Variants in UNC5D observed in about 807,000 individuals in gnomAD.
The protein encoded by UNC5D is unc-5 netrin receptor D.
UNC5D carries 39 observed loss-of-function variants against 105.4 expected under a neutral mutation model. The observed-to-expected ratio is 0.37, with a 90% CI of 0.29 to 0.48. The LOEUF (loss-of-function observed/expected upper bound fraction) is 0.48. Ranked by LOEUF, UNC5D falls within the 20% of genes least tolerant of loss-of-function variation. UNC5D has a pLI of 0.98. For synonymous variants in UNC5D, 452 were observed against 450.4 expected (o/e 1.00, Z -0.04); for missense variants, 991 against 1,202.4 (o/e 0.82, Z 2.60).
At chr8:35,730,622 TAAAC>T (rs1829139999) in intron 10 of UNC5D, among the ~76,000 whole-genome samples, 1 of 152,270 alleles carries the variant, frequency 6.6e-6, no homozygotes, top group Non-Finnish European at 1.5e-5. Context: ...TTTCAGGAAA[TAAAC>T]AGATAGTGAT....
At chr8:35,340,436 C>A (rs181883812) in intron 1 of UNC5D, among the ~76,000 whole-genome samples, 1 of 152,090 alleles carries the variant, frequency 6.6e-6, no homozygotes, top group Admixed American at 6.5e-5. Flanking sequence ...GAACTAACTG[C>A]CTTACTTGGA....
At chr8:35,593,642 G>T (rs529784715) in intron 3 of UNC5D, among the ~76,000 whole-genome samples, 1 of 152,074 alleles carries the variant, frequency 6.6e-6, no homozygotes, top group Non-Finnish European at 1.5e-5. Context: ...CACACCTGTA[G>T]CCCTAGCTAC....
At chr8:35,249,416 G>A (rs190263551) in intron 1 of UNC5D, among the ~76,000 whole-genome samples, 1 of 150,412 alleles carries the variant, frequency 6.6e-6, no homozygotes, top group Non-Finnish European at 1.5e-5. Flanking sequence ...AAATTAACCA[G>A]GTGTGGTGGC....
chr8:35,744,046 C>A (rs1288525536), intron 11 of UNC5D, among the ~76,000 whole-genome samples: 1 of 151,462 alleles, frequency 6.6e-6, no homozygotes, highest in African/African-American at 2.4e-5. Flanking sequence ...GGTCTGCTTT[C>A]ATCTGGAACC....
At chr8:35,311,659 T>A (rs574190895) in intron 1 of UNC5D, among the ~76,000 whole-genome samples, 1 of 152,250 alleles carries the variant, frequency 6.6e-6, no homozygotes, top group African/African-American at 2.4e-5. Flanking sequence ...GGTTTGATGA[T>A]GTTAAAATGA....
chr8:35,601,516 T>A (rs1014128573), intron 4 of UNC5D, among the ~76,000 whole-genome samples: 1 of 152,202 alleles, frequency 6.6e-6, no homozygotes, highest in East Asian at 1.9e-4. Flanking sequence ...GTCCTTCACA[T>A]CCCTTGTAAG....
At chr8:35,387,880 T>A (rs1803506837) in intron 1 of UNC5D, among the ~76,000 whole-genome samples, 1 of 152,220 alleles carries the variant, frequency 6.6e-6, no homozygotes, top group Admixed American at 6.5e-5. Flanking sequence ...TATTTAGTAT[T>A]ATAGTGGTGT....
intron 1 of UNC5D, among the ~76,000 whole-genome samples, chr8:35,424,678 C>T (rs1409912241): frequency 6.6e-6 from 1 of 152,202 alleles, no homozygotes; most frequent in Non-Finnish European, 1.5e-5. Flanking sequence ...GGAGGTGACG[C>T]AGATTCAGCT....
intron 4 of UNC5D, among the ~76,000 whole-genome samples, chr8:35,624,881 C>T (rs1341381452): frequency 6.6e-6 from 1 of 152,196 alleles, no homozygotes; most frequent in Non-Finnish European, 1.5e-5. Flanking sequence ...ATATATGTGA[C>T]TACATAAACC....
intron 1 of UNC5D, among the ~76,000 whole-genome samples, chr8:35,497,298 C>G (rs948225880): frequency 1.3e-5 from 2 of 152,120 alleles, no homozygotes; most frequent in Non-Finnish European, 2.9e-5. Context: ...GAATGAGGGT[C>G]TTATGACCCT....
chr8:35,451,492 A>G (rs1263583884), intron 1 of UNC5D, among the ~76,000 whole-genome samples: 1 of 152,170 alleles, frequency 6.6e-6, no homozygotes, highest in Non-Finnish European at 1.5e-5. Context: ...TTGTTATCCC[A>G]GTTTTATAAA....
intron 1 of UNC5D, among the ~76,000 whole-genome samples, chr8:35,444,391 A>G (rs1039904245): frequency 6.6e-6 from 1 of 152,058 alleles, no homozygotes; most frequent in Non-Finnish European, 1.5e-5. Flanking sequence ...AGCCTATTGC[A>G]GACTTCTTTT....
intron 7 of UNC5D, among the ~76,000 whole-genome samples, chr8:35,700,512 C>T (rs997974592): frequency 2.0e-5 from 3 of 151,916 alleles, no homozygotes; most frequent in African/African-American, 4.8e-5. Context: ...GACAAACTGT[C>T]GAGAGAGAGA....
At chr8:35,404,952 A>G (rs1024957607) in intron 1 of UNC5D, among the ~76,000 whole-genome samples, 3 of 152,186 alleles carry the variant, frequency 2.0e-5, no homozygotes, top group African/African-American at 7.2e-5. Context: ...GAATGGCTAA[A>G]GTGACTTTTT....
intron 4 of UNC5D, among the ~76,000 whole-genome samples, chr8:35,619,193 T>C (rs1821205381): frequency 6.6e-6 from 1 of 152,156 alleles, no homozygotes; most frequent in Non-Finnish European, 1.5e-5. Context: ...AGCATTAATA[T>C]AGAAGGGATT....
intron 1 of UNC5D, among the ~76,000 whole-genome samples, chr8:35,351,065 T>A (rs972520433): frequency 2.6e-5 from 4 of 152,006 alleles, no homozygotes; most frequent in African/African-American, 4.8e-5. Context: ...TGTGTGTGTG[T>A]GAGAGAGAGT....
chr8:35,583,971 G>T (rs971961290), intron 3 of UNC5D, among the ~76,000 whole-genome samples: 1 of 152,108 alleles, frequency 6.6e-6, no homozygotes, highest in Non-Finnish European at 1.5e-5. Flanking sequence ...GAGTGGCTTC[G>T]TAGGCAGGGT....
At chr8:35,766,262 G>A (rs1801759919) in intron 14 of UNC5D, among the ~76,000 whole-genome samples, 3 of 152,060 alleles carry the variant, frequency 2.0e-5, no homozygotes, top group African/African-American at 7.2e-5. Flanking sequence ...TTGAGCAAAT[G>A]AAGAACTGAC....
At chr8:35,540,198 G>A (rs1815167012) in intron 1 of UNC5D, among the ~76,000 whole-genome samples, 1 of 152,066 alleles carries the variant, frequency 6.6e-6, no homozygotes, top group South Asian at 2.1e-4. Context: ...CATTGTTGGG[G>A]GAGGAATTAA....
Sources: gnomAD v4.1 joint callset for allele counts (sites outside exome capture counted in the v4.1 genomes callset) on GRCh38, gnomAD v4.1.1 for gene constraint, MANE v1.5 for transcripts, NCBI Gene and HGNC (gene_info 2026-07-23, HGNC 2026-07-21) for gene names.